TUBA1B: variants seen among roughly 807,000 people sequenced by gnomAD.
TUBA1B encodes the protein tubulin alpha-1B chain.
In TUBA1B, 1 loss-of-function variant was observed where a neutral mutation model predicts 34.4. That is an observed-to-expected ratio of 0.03 (90% CI 0.01 to 0.14). The LOEUF (loss-of-function observed/expected upper bound fraction) is 0.14, where lower values mean the gene tolerates loss of function less well. Ranked by LOEUF, TUBA1B falls within the 10% of genes least tolerant of loss-of-function variation. TUBA1B has a pLI of 1.00. For missense variants in TUBA1B, 54 were observed against 583.6 expected (o/e 0.09, Z 9.35); for synonymous variants, 197 against 212.5 (o/e 0.93, Z 0.64).
intron 2 of TUBA1B, 37 bp from the exon 3 acceptor site, chr12:49,129,427 G>A (rs1941776403): frequency 1.9e-6 from 3 of 1,613,958 alleles, no homozygotes; most frequent in Non-Finnish European, 2.5e-6. Flanking sequence ...GAGTGAGTGA[G>A]TGACAAGAGA....
At chr12:49,129,453 C>A in intron 2 of TUBA1B, 47 bp downstream of exon 2, 1 of 1,613,692 alleles carries the variant, frequency 6.2e-7, no homozygotes, top group Non-Finnish European at 8.5e-7. Context: ...CTGGACAGAC[C>A]TCCTGTCCCA....
At chr12:49,130,424 A>G (rs1355956908) in intron 1 of TUBA1B, 2 of 1,202,648 alleles carry the variant, frequency 1.7e-6, no homozygotes, top group Non-Finnish European at 2.2e-6. Flanking sequence ...CGAAATGGCC[A>G]CGTCTGCAAA....
chr12:49,128,645 G>A lies in TUBA1B; in HGVS notation c.669C>T (p.Thr223=). The A allele has an allele frequency of 1.2e-6, 2 of 1,609,876 alleles. No homozygotes were observed. The highest frequency in any genetic ancestry group is 1.7e-6 in the Non-Finnish European group (2 of 1,177,886). ...TAATAAGGCGGTTAAGGTTAGTGTAGGTTGGGCGCTCGATATCGAGGTTTC... is the reference window on the plus strand; with the variant it reads ...TAATAAGGCGGTTAAGGTTAGTGTAAGTTGGGCGCTCGATATCGAGGTTTC... ...CRRNLDIERP[T]YTNLNRLISQ... is the part of the protein sequence containing the mutation. The change falls in exon 4 of 4, where the codon ACC becomes ACT. Residue 223 remains threonine (T), a synonymous_variant. Transcript: ENST00000336023. The surrounding 1 kb of genome is among the most constrained non-coding windows in gnomAD (Gnocchi z 8.1).
chr12:49,129,884 C>A, intron 1 of TUBA1B, 162 bp from the exon 2 acceptor site: 1 of 1,259,276 alleles, frequency 7.9e-7, no homozygotes, highest in South Asian at 1.5e-5. Flanking sequence ...AGGCTCCAGT[C>A]ATCCCCCCAC....
In TUBA1B at chr12:49,128,927, G is replaced by A; in HGVS notation, c.387C>T (p.Cys129=). 1.9e-6 allele frequency: 3 copies of A among 1,611,044 alleles called. No individual in the cohort carries two copies. Among genetic ancestry groups the A allele is most frequent in the Non-Finnish European group, 2.5e-6 (3 of 1,178,620 alleles). ...LDRIRKLADQ[C]TGLQGFLVFH... ...AAACCAAGAAGCCCTGAAGACCGGT[G>A]CACTGGTCAGCCTGTAGGGGAATAA... The change falls in exon 4 of 4, where the codon TGC becomes TGT. Residue 129 remains cysteine (C), a synonymous_variant. Coordinates refer to ENST00000336023, the MANE Select transcript of TUBA1B (RefSeq NM_006082.3). The surrounding 1 kb of genome is among the most constrained non-coding windows in gnomAD (Gnocchi z 8.1).
At chr12:49,130,861 CT>C (rs985046576) in intron 1 of TUBA1B, 1 of 168,892 alleles carries the variant, frequency 5.9e-6, no homozygotes, top group African/African-American at 2.4e-5. Flanking sequence ...CGCGTGCGCG[CT>C]TTTGTCTCCA....
intron 3 of TUBA1B, 130 bp from the exon 4 acceptor site, chr12:49,129,068 T>C (rs1430137479): frequency 1.2e-5 from 18 of 1,521,744 alleles, no homozygotes; most frequent in East Asian, 2.3e-5. Context: ...AACAGACATA[T>C]CCACAAACTG....
chr12:49,129,023 C>A, intron 3 of TUBA1B, 85 bp from the exon 4 acceptor site: 2 of 1,527,224 alleles, frequency 1.3e-6, no homozygotes, highest in Non-Finnish European at 1.8e-6. Context: ...GATTACGAAC[C>A]ATATCTCACT....
At chr12:49,131,240 G>A in intron 1 of TUBA1B, 58 bp downstream of exon 1, 4 of 1,574,804 alleles carry the variant, frequency 2.5e-6, no homozygotes, top group Non-Finnish European at 1.7e-6. Context: ...CCAGCGCCCC[G>A]CCGGCTCGCT....
chr12:49,128,335 C>A lies in TUBA1B; in HGVS notation c.979G>T (p.Asp327Tyr). 1 of 1,614,108 alleles carries A rather than the reference C, an allele frequency of 6.2e-7. No homozygotes were observed. The highest frequency in any genetic ancestry group is 8.5e-7 in the Non-Finnish European group (1 of 1,179,984). Residue 327 changes from aspartate (D) to tyrosine (Y), a missense_variant, in exon 4 of 4, where the codon GAT (aspartate) becomes TAT (tyrosine). By Grantham distance (160) the Asp-to-Tyr change is radical. Coordinates refer to ENST00000336023, the MANE Select transcript of TUBA1B (RefSeq NM_006082.3). This position sits in a 1 kb window ranked among gnomAD's most constrained non-coding sequence, Gnocchi z 8.1. ...ATGGTGGCAATGGCAGCATTGACAT[C>A]TTTGGGAACCACGTCACCACGGTAC... The part of the protein sequence containing the change: ...LLYRGDVVPK[D>Y]VNAAIATIKT...
intron 1 of TUBA1B, chr12:49,131,047 G>A (rs1592246935): frequency 6.2e-6 from 3 of 483,600 alleles, no homozygotes; most frequent in Admixed American, 3.3e-5. Flanking sequence ...ACGGCGGAGG[G>A]CAGCCCGAGC....
chr12:49,129,822 G>A, intron 1 of TUBA1B, 100 bp from the exon 2 acceptor site: 3 of 1,541,398 alleles, frequency 1.9e-6, no homozygotes, highest in South Asian at 1.2e-5. Flanking sequence ...TAGAGATAAG[G>A]TCTGTCGCCC....
At chr12:49,130,647 T>G (rs1941793130) in intron 1 of TUBA1B, 1 of 334,176 alleles carries the variant, frequency 3.0e-6, no homozygotes, top group Non-Finnish European at 6.0e-6. Flanking sequence ...CAGACTGTTG[T>G]GTACGAACTG....
chr12:49,130,396 G>C (rs1238427294), intron 1 of TUBA1B: 1 of 1,280,760 alleles, frequency 7.8e-7, no homozygotes, highest in East Asian at 5.6e-5. Context: ...TGCGCCCCCC[G>C]GCGGTGCTGC....
intron 1 of TUBA1B, chr12:49,130,898 G>T (rs1258897344): frequency 1.1e-5 from 2 of 174,150 alleles, no homozygotes; most frequent in Admixed American, 1.2e-4. Context: ...CGCTTTTCGC[G>T]CTCAAGAGGA....
At chr12:49,130,221 G>A (rs767031175) in intron 1 of TUBA1B, 2 of 1,282,928 alleles carry the variant, frequency 1.6e-6, no homozygotes, top group East Asian at 5.6e-5. Context: ...TCCATCCAGC[G>A]CTCAGGCCCC....
At chr12:49,130,031 A>C in intron 1 of TUBA1B, 1 of 1,164,186 alleles carries the variant, frequency 8.6e-7, no homozygotes, top group Non-Finnish European at 1.1e-6. Flanking sequence ...CCTTTTCTAA[A>C]GCGATCTTTT....
chr12:49,129,895 C>T (rs1941781707), intron 1 of TUBA1B, 173 bp from the exon 2 acceptor site: 2 of 1,234,302 alleles, frequency 1.6e-6, no homozygotes, highest in East Asian at 2.6e-5. Flanking sequence ...ATCCCCCCAC[C>T]TCAGCCTCTG....
At chr12:49,131,065 C>G (rs1237717842) in intron 1 of TUBA1B, 1 of 513,468 alleles carries the variant, frequency 1.9e-6, no homozygotes, top group African/African-American at 1.9e-5. Flanking sequence ...AGCCCCCCAT[C>G]CCTTCCAGAG....
Sources: gnomAD v4.1 joint callset for allele counts on GRCh38, gnomAD v4.1.1 for gene constraint, Gnocchi (gnomAD v3.1) non-coding constraint, MANE v1.5 for transcripts, NCBI Gene and HGNC (gene_info 2026-07-23, HGNC 2026-07-21) for gene names.